KCNB2: variants seen among roughly 807,000 people sequenced by gnomAD.
KCNB2 encodes potassium voltage-gated channel subfamily B member 2.
Under a neutral mutation model 61.5 loss-of-function variants are expected in KCNB2, and 15 were observed. That is an observed-to-expected ratio of 0.24 (90% CI 0.16 to 0.38). The LOEUF (loss-of-function observed/expected upper bound fraction) is 0.38. Ranked by LOEUF, KCNB2 falls within the 10% of genes least tolerant of loss-of-function variation. The probability of loss-of-function intolerance (pLI) is 1.00; values close to 1 mark genes in which losing one functional copy is unlikely to be tolerated. For missense variants in KCNB2, 828 were observed against 1,125.2 expected (o/e 0.74, Z 3.78); for synonymous variants, 457 against 446.0 (o/e 1.02, Z -0.31).
At chr8:72,769,705 T>C (rs1235096181) in intron 2 of KCNB2, among the ~76,000 whole-genome samples, 1 of 151,782 alleles carries the variant, frequency 6.6e-6, no homozygotes, top group Non-Finnish European at 1.5e-5. Flanking sequence ...TCCTGTGGAG[T>C]TTAGGCCCCA....
intron 1 of KCNB2, among the ~76,000 whole-genome samples, chr8:72,558,761 A>G (rs1806466644): frequency 6.6e-6 from 1 of 152,222 alleles, no homozygotes; most frequent in South Asian, 2.1e-4. Context: ...CAAATAATCA[A>G]AGTAATCATC....
intron 2 of KCNB2, among the ~76,000 whole-genome samples, chr8:72,585,418 G>A (rs959339333): frequency 1.3e-5 from 2 of 152,130 alleles, no homozygotes; most frequent in Admixed American, 6.5e-5. Flanking sequence ...CCCCTTGAAG[G>A]CTTGTTTTAT....
chr8:72,734,619 T>G (rs934204014), intron 2 of KCNB2, among the ~76,000 whole-genome samples: 1 of 152,096 alleles, frequency 6.6e-6, no homozygotes, highest in African/African-American at 2.4e-5. Flanking sequence ...CATGAATGAA[T>G]ATTCCCCGGG....
chr8:72,825,795 C>T (rs76253263), intron 2 of KCNB2, among the ~76,000 whole-genome samples: 2,641 of 152,186 alleles, frequency 0.017, 73 homozygotes, highest in African/African-American at 0.06. Context: ...TTCTGGATAT[C>T]GGTCCCTTAT....
At chr8:72,596,133 T>C (rs1807185438) in intron 2 of KCNB2, among the ~76,000 whole-genome samples, 1 of 152,220 alleles carries the variant, frequency 6.6e-6, no homozygotes, top group Admixed American at 6.5e-5. Context: ...GGCATTATTA[T>C]ACCCAATTTG....
At chr8:72,714,633 C>A (rs978374714) in intron 2 of KCNB2, among the ~76,000 whole-genome samples, 1 of 152,248 alleles carries the variant, frequency 6.6e-6, no homozygotes, top group Non-Finnish European at 1.5e-5. Context: ...CACCACCAGG[C>A]CTGCCCTACG....
At chr8:72,865,625 A>T (rs1805505149) in intron 2 of KCNB2, among the ~76,000 whole-genome samples, 1 of 152,212 alleles carries the variant, frequency 6.6e-6, no homozygotes. Context: ...CATAAGAGCC[A>T]TTCGCAGAAC....
chr8:72,937,486 A>G lies in KCNB2; in HGVS notation c.2131A>G (p.Lys711Glu). The change falls in exon 3 of 3, where the codon AAG (lysine) becomes GAG (glutamate). Residue 711 changes from lysine (K) to glutamate (E), a missense_variant. Transcript: ENST00000523207. ...CTCTCTAAAAGGCAGCAACCCACTA[A>G]AGTCCAGATCCCTCAAAGTGAACTT... ...KSSLKGSNPL[K>E]SRSLKVNFKE... is the part of the protein sequence containing the mutation. The G allele has an allele frequency of 6.2e-7, 1 of 1,613,792 alleles. No homozygotes were observed. Among genetic ancestry groups the G allele is most frequent in the Non-Finnish European group, 8.5e-7 (1 of 1,179,952 alleles).
chr8:72,712,620 C>G (rs577049660), intron 2 of KCNB2, among the ~76,000 whole-genome samples: 2 of 152,178 alleles, frequency 1.3e-5, no homozygotes. Context: ...CATTTAATAA[C>G]GACTTTGTCA....
intron 2 of KCNB2, among the ~76,000 whole-genome samples, chr8:72,808,786 T>C (rs1809262523): frequency 6.6e-6 from 1 of 152,078 alleles, no homozygotes; most frequent in Non-Finnish European, 1.5e-5. Context: ...TAGTTCAGGG[T>C]CATGTCCTAA....
intron 2 of KCNB2, among the ~76,000 whole-genome samples, chr8:72,794,519 C>G (rs6472702): frequency 7.0e-6 from 1 of 142,000 alleles, no homozygotes; most frequent in East Asian, 2.1e-4. Context: ...GAGCTGAGAT[C>G]GCGCCACTGC....
intron 2 of KCNB2, among the ~76,000 whole-genome samples, chr8:72,800,743 G>A (rs190668812): frequency 6.6e-5 from 10 of 152,274 alleles, no homozygotes; most frequent in South Asian, 2.1e-4. Context: ...ATTGGCTGCC[G>A]TTGTGTTTAT....
intron 2 of KCNB2, among the ~76,000 whole-genome samples, chr8:72,929,606 T>G (rs1317039956): frequency 6.6e-6 from 1 of 152,194 alleles, no homozygotes; most frequent in African/African-American, 2.4e-5. Context: ...TGACTTGTCC[T>G]GGGTTTGGTT....
chr8:72,724,873 A>G (rs2128993016), intron 2 of KCNB2, among the ~76,000 whole-genome samples: 1 of 152,306 alleles, frequency 6.6e-6, no homozygotes, highest in Middle Eastern at 3.4e-3. Context: ...TCCCATTACT[A>G]GAAGTCACAG....
At position 72,809,801 on chromosome 8, in the gene KCNB2, C is replaced by A. The variant is rs1418737428; in HGVS notation, c.580-126134C>A. 2.0e-5 allele frequency among the ~76,000 whole-genome samples: 3 copies of A among 152,196 alleles called. No homozygotes were observed. The East Asian group carries it at 5.8e-4, about 29-fold the overall frequency. On this transcript the variant is annotated intron_variant, in intron 2 of 2. Coordinates refer to ENST00000523207, the MANE Select transcript of KCNB2 (RefSeq NM_004770.3). ...ACAAATACCAAACTGAAATCCTATC[C>A]TGTCCTCTTTTTAAAGAAATAATTG...
intron 2 of KCNB2, among the ~76,000 whole-genome samples, chr8:72,829,414 A>G (rs1809652191): frequency 6.6e-6 from 1 of 152,210 alleles, no homozygotes; most frequent in African/African-American, 2.4e-5. Flanking sequence ...ATTGTCAGAA[A>G]GTTGTTCTTT....
chr8:72,920,777 A>G (rs2129008192), intron 2 of KCNB2, among the ~76,000 whole-genome samples: 2 of 152,112 alleles, frequency 1.3e-5, no homozygotes, highest in South Asian at 4.2e-4. Context: ...AAATGTATCA[A>G]CCCCCAACTT....
At chr8:72,548,988 A>C (rs930750623) in intron 1 of KCNB2, among the ~76,000 whole-genome samples, 1 of 152,104 alleles carries the variant, frequency 6.6e-6, no homozygotes, top group African/African-American at 2.4e-5. Flanking sequence ...AGCCTTTTTC[A>C]TTGTTATTTC....
At chr8:72,821,332 A>C (rs1051299499) in intron 2 of KCNB2, among the ~76,000 whole-genome samples, 1 of 152,148 alleles carries the variant, frequency 6.6e-6, no homozygotes, top group Non-Finnish European at 1.5e-5. Flanking sequence ...TAATGTGCTA[A>C]CGCATGACTA....
Sources: gnomAD v4.1 joint callset for allele counts (sites outside exome capture counted in the v4.1 genomes callset) on GRCh38, gnomAD v4.1.1 for gene constraint, MANE v1.5 for transcripts, NCBI Gene and HGNC (gene_info 2026-07-23, HGNC 2026-07-21) for gene names.